Variants in DOK6 observed in about 807,000 individuals in gnomAD.
DOK6 encodes docking protein 6, also known as downstream of tyrosine kinase 6.
A neutral mutation model predicts 44.0 loss-of-function variants in DOK6; 22 were observed. That is an observed-to-expected ratio of 0.50 (90% CI 0.36 to 0.71). The LOEUF is 0.71. DOK6 is among the 30% of genes least tolerant of loss of function. The pLI, the probability that DOK6 is intolerant of heterozygous loss-of-function variation, is 0.00. For missense variants in DOK6, 340 were observed against 416.4 expected (o/e 0.82, Z 1.60); for synonymous variants, 166 against 145.5 (o/e 1.14, Z -1.01).
chr18:69,508,099 T>C (rs2144553724), intron 1 of DOK6, among the ~76,000 whole-genome samples: 1 of 152,342 alleles, frequency 6.6e-6, no homozygotes, highest in African/African-American at 2.4e-5. Context: ...TATTTTCAAA[T>C]ATTATTTCAA....
intron 2 of DOK6, among the ~76,000 whole-genome samples, chr18:69,585,514 G>A (rs9953093): frequency 0.89 from 136,228 of 152,238 alleles, 61,846 homozygotes; most frequent in East Asian, 0.98. Flanking sequence ...TAGCTTAACC[G>A]TTTTTTAATT....
At chr18:69,603,112 C>G (rs1181124515) in intron 3 of DOK6, among the ~76,000 whole-genome samples, 1 of 152,196 alleles carries the variant, frequency 6.6e-6, no homozygotes, top group African/African-American at 2.4e-5. Flanking sequence ...GCTGAGCCTA[C>G]CACATGTTCT....
intron 1 of DOK6, among the ~76,000 whole-genome samples, chr18:69,450,647 G>C (rs1979433929): frequency 6.6e-6 from 1 of 152,032 alleles, no homozygotes; most frequent in East Asian, 1.9e-4. Context: ...AACATGTTAA[G>C]GGCAGCCAGA....
At chr18:69,665,519 G>C (rs956658079) in intron 3 of DOK6, among the ~76,000 whole-genome samples, 1 of 152,160 alleles carries the variant, frequency 6.6e-6, no homozygotes, top group Non-Finnish European at 1.5e-5. Context: ...ATTGTTATCT[G>C]AAGTGATGTC....
chr18:69,536,895 T>G (rs1261904586), intron 1 of DOK6, among the ~76,000 whole-genome samples: 1 of 151,764 alleles, frequency 6.6e-6, no homozygotes, highest in Non-Finnish European at 1.5e-5. Flanking sequence ...AGGGCTCAAT[T>G]GAATATTTTC....
chr18:69,437,188 T>C (rs1440097070), intron 1 of DOK6, among the ~76,000 whole-genome samples: 1 of 152,226 alleles, frequency 6.6e-6, no homozygotes, highest in African/African-American at 2.4e-5. Flanking sequence ...ATTTTGGTTT[T>C]TGTTGTCATT....
chr18:69,659,342 T>G (rs1599247573), intron 3 of DOK6, among the ~76,000 whole-genome samples: 1 of 152,352 alleles, frequency 6.6e-6, no homozygotes, highest in East Asian at 1.9e-4. Flanking sequence ...GACACAATGG[T>G]GTCCATTAGA....
At chr18:69,506,996 A>G (rs1230970656) in intron 1 of DOK6, among the ~76,000 whole-genome samples, 1 of 151,702 alleles carries the variant, frequency 6.6e-6, no homozygotes, top group East Asian at 1.9e-4. Flanking sequence ...GTCAATATTT[A>G]CTTTCTTGGT....
At chr18:69,441,555 C>T (rs1437256717) in intron 1 of DOK6, among the ~76,000 whole-genome samples, 2 of 152,060 alleles carry the variant, frequency 1.3e-5, no homozygotes, top group Non-Finnish European at 2.9e-5. Flanking sequence ...GACCTACCTC[C>T]AATGATTCAT....
intron 1 of DOK6, among the ~76,000 whole-genome samples, chr18:69,484,746 T>A (rs1392286777): frequency 2.0e-5 from 3 of 152,156 alleles, no homozygotes; most frequent in Non-Finnish European, 4.4e-5. Context: ...GCTTATCTCA[T>A]CATATTTTCT....
At chr18:69,426,603 T>C (rs1653311459) in intron 1 of DOK6, among the ~76,000 whole-genome samples, 1 of 152,104 alleles carries the variant, frequency 6.6e-6, no homozygotes, top group South Asian at 2.1e-4. Context: ...ACATAATAAA[T>C]TGAGAAACAC....
At chr18:69,737,157 G>A (rs111311707) in intron 5 of DOK6, among the ~76,000 whole-genome samples, 7 of 152,164 alleles carry the variant, frequency 4.6e-5, no homozygotes, top group Admixed American at 3.9e-4. Context: ...TAGAGTATTA[G>A]TGCATTTTCA....
intron 6 of DOK6, among the ~76,000 whole-genome samples, chr18:69,746,591 C>A (rs568590393): frequency 6.8e-4 from 103 of 152,296 alleles, no homozygotes; most frequent in African/African-American, 2.4e-3. Flanking sequence ...ACACTCATTT[C>A]TTCAGGTTTA....
intron 2 of DOK6, among the ~76,000 whole-genome samples, chr18:69,577,487 T>A (rs1006755775): frequency 6.6e-6 from 1 of 152,184 alleles, no homozygotes. Context: ...CATTAAGCAC[T>A]TACTAATATA....
chr18:69,753,870 T>G (rs1275350386), intron 6 of DOK6, among the ~76,000 whole-genome samples: 1 of 152,100 alleles, frequency 6.6e-6, no homozygotes, highest in East Asian at 1.9e-4. Flanking sequence ...CAGCAGACCC[T>G]TGCAGAGAAG....
rs570247278 is a variant in DOK6 at position 69,779,970 on chromosome 18, T to A, written c.856+22097T>A. 7.2e-5 allele frequency among the ~76,000 whole-genome samples: 11 copies of A among 152,236 alleles called. No homozygotes were observed. The South Asian group carries it at 1.9e-3, about 26-fold the overall frequency. On this transcript the variant is annotated intron_variant, in intron 7 of 7. Transcript: ENST00000382713. ...TCATAGTATCCTATTTATTGTGTTA[T>A]TACTGGAAAAAGAAAATATTTTATT...
chr18:69,549,575 A>C lies in DOK6; in HGVS notation c.67-14912A>C, dbSNP rs552426968. On this transcript the variant is annotated intron_variant, in intron 1 of 7. Coordinates refer to ENST00000382713, the MANE Select transcript of DOK6 (RefSeq NM_152721.6). ...TTAGGCATTTAATTTAAAAAAATTGAATGGCTTAATTTGGGCATAGTAGTT... is the reference window on the plus strand; with the variant it reads ...TTAGGCATTTAATTTAAAAAAATTGCATGGCTTAATTTGGGCATAGTAGTT... 8.5e-4 allele frequency among the ~76,000 whole-genome samples: 129 copies of C among 151,830 alleles called. 2 individuals are homozygous for C. The highest frequency in any genetic ancestry group is 3.4e-3 in the Middle Eastern group (1 of 294).
At chr18:69,484,456 G>A (rs996978344) in intron 1 of DOK6, among the ~76,000 whole-genome samples, 1 of 151,994 alleles carries the variant, frequency 6.6e-6, no homozygotes, top group African/African-American at 2.4e-5. Flanking sequence ...AGACGTTTTC[G>A]AGTTTTGTAT....
Position 69,621,468 on chromosome 18 carries a change from A to G in DOK6, c.289+21970A>G, listed in dbSNP as rs547402260. Among the ~76,000 whole-genome samples the G allele has an allele frequency of 1.4e-3, 212 of 152,214 alleles. 1 individual carries two copies. The highest frequency in any genetic ancestry group is 4.9e-3 in the African/African-American group (202 of 41,536). On this transcript the variant is annotated intron_variant, in intron 3 of 7. Transcript: ENST00000382713. Reference sequence around the variant, plus strand: ...AATTATATAGGATCTGTAGGAATGTATATATTTTGCTGTTTTGTTTTGCCA... The same window carrying G: ...AATTATATAGGATCTGTAGGAATGTGTATATTTTGCTGTTTTGTTTTGCCA...
Sources: gnomAD v4.1 joint callset for allele counts (sites outside exome capture counted in the v4.1 genomes callset) on GRCh38, gnomAD v4.1.1 for gene constraint, MANE v1.5 for transcripts, NCBI Gene and HGNC (gene_info 2026-07-23, HGNC 2026-07-21) for gene names.